The following MARCHF1 variants were observed in gnomAD, a reference collection of about 807,000 sequenced individuals.
MARCHF1 encodes membrane associated ring-CH-type finger 1.
Under a neutral mutation model 54.2 loss-of-function variants are expected in MARCHF1, and 40 were observed. The ratio of observed to expected loss-of-function variants is 0.74; its 90% CI spans 0.57 to 0.96. MARCHF1 has a LOEUF of 0.96. Ranked by LOEUF, MARCHF1 falls within the 40% of genes least tolerant of loss-of-function variation. The pLI, the probability that MARCHF1 is intolerant of heterozygous loss-of-function variation, is 0.00. For synonymous variants in MARCHF1, 236 were observed against 236.3 expected, an observed-to-expected ratio of 1.00 and a Z score of 0.01; for missense variants, 586 against 656.5, an observed-to-expected ratio of 0.89 and a Z score of 1.17.
intron 2 of MARCHF1, among the ~76,000 whole-genome samples, chr4:164,085,759 A>C (rs1026102775): frequency 6.6e-6 from 1 of 151,888 alleles, no homozygotes; most frequent in African/African-American, 2.4e-5. Context: ...GGTTTTTCAC[A>C]ATATGTGTGC....
At chr4:164,015,824 G>A (rs1373001951) in intron 2 of MARCHF1, among the ~76,000 whole-genome samples, 1 of 151,820 alleles carries the variant, frequency 6.6e-6, no homozygotes, top group African/African-American at 2.4e-5. Flanking sequence ...CGGAGAAAGA[G>A]GAGCCCTTTA....
At chr4:164,083,271 T>C (rs1415209374) in intron 2 of MARCHF1, among the ~76,000 whole-genome samples, 3 of 151,156 alleles carry the variant, frequency 2.0e-5, no homozygotes, top group Non-Finnish European at 4.4e-5. Flanking sequence ...ATAGACAACA[T>C]TTAAAAGTTA....
chr4:164,155,031 C>A (rs1048556988), intron 1 of MARCHF1, among the ~76,000 whole-genome samples: 1 of 152,130 alleles, frequency 6.6e-6, no homozygotes, highest in Non-Finnish European at 1.5e-5. Flanking sequence ...CCTAACATTC[C>A]TTTTCTTCTC....
intron 7 of MARCHF1, among the ~76,000 whole-genome samples, chr4:163,595,238 T>C (rs11100512): frequency 0.9 from 123,205 of 136,612 alleles, 55,529 homozygotes; most frequent in Middle Eastern, 0.94. Context: ...TATAAGCCAG[T>C]GAGTGGCTCA....
At chr4:164,154,443 C>G (rs1479698870) in intron 1 of MARCHF1, among the ~76,000 whole-genome samples, 1 of 152,176 alleles carries the variant, frequency 6.6e-6, no homozygotes, top group Non-Finnish European at 1.5e-5. Context: ...CTTCATGACC[C>G]AAACTCTGAG....
intron 7 of MARCHF1, among the ~76,000 whole-genome samples, chr4:163,601,992 C>A (rs1433507529): frequency 1.3e-5 from 2 of 151,074 alleles, no homozygotes; most frequent in Non-Finnish European, 3.0e-5. Flanking sequence ...AGCTCCCAAA[C>A]TGAAAACAAT....
intron 4 of MARCHF1, among the ~76,000 whole-genome samples, chr4:163,823,165 TA>T (rs1748746699): frequency 6.6e-6 from 1 of 151,814 alleles, no homozygotes; most frequent in Admixed American, 6.6e-5. Flanking sequence ...TAGATGTCCA[TA>T]AGTATTCTGA....
intron 3 of MARCHF1, among the ~76,000 whole-genome samples, chr4:163,962,504 A>T (rs1394074941): frequency 1.3e-5 from 2 of 151,918 alleles, no homozygotes; most frequent in African/African-American, 2.4e-5. Context: ...GGAATGATTT[A>T]AAAATATGCT....
intron 4 of MARCHF1, among the ~76,000 whole-genome samples, chr4:163,818,852 A>G (rs1748614545): frequency 6.6e-6 from 1 of 152,090 alleles, no homozygotes; most frequent in Non-Finnish European, 1.5e-5. Context: ...TAAAGTTCTC[A>G]TATGATCACT....
At chr4:163,624,561 A>G (rs1368243640) in intron 5 of MARCHF1, among the ~76,000 whole-genome samples, 1 of 152,224 alleles carries the variant, frequency 6.6e-6, no homozygotes, top group African/African-American at 2.4e-5. Flanking sequence ...GTGAGCACAT[A>G]AACTCAGACT....
intron 4 of MARCHF1, among the ~76,000 whole-genome samples, chr4:163,792,960 T>C (rs1561080186): frequency 1.3e-5 from 2 of 152,310 alleles, no homozygotes; most frequent in East Asian, 3.9e-4. Context: ...GTGCTGAAAT[T>C]TCTCTGTCTC....
rs551605255 is a variant in MARCHF1, at chr4:164,308,627, T to C, written c.-323+75243A>G. Among the ~76,000 whole-genome samples the C allele has an allele frequency of 2.2e-3, 331 of 152,202 alleles. 2 individuals are homozygous for C. Among genetic ancestry groups the C allele is most frequent in the African/African-American group, 7.7e-3 (321 of 41,566 alleles). On this transcript the variant is annotated intron_variant, in intron 1 of 9. Transcript: ENST00000514618. ...AAATATCAAAATTAAAAATAATTTA[T>C]AGAATTAAAAACTTTTAAAAATTAG...
intron 2 of MARCHF1, among the ~76,000 whole-genome samples, chr4:164,032,328 TC>T (rs1487700900): frequency 6.6e-6 from 1 of 152,190 alleles, no homozygotes; most frequent in Non-Finnish European, 1.5e-5. Flanking sequence ...CATGTTACTA[TC>T]TCCTTCGGTT....
At chr4:164,343,284 C>G (rs1197702620) in intron 1 of MARCHF1, among the ~76,000 whole-genome samples, 1 of 152,022 alleles carries the variant, frequency 6.6e-6, no homozygotes, top group Admixed American at 6.6e-5. Flanking sequence ...GTCAATCATA[C>G]CTCCACAAAG....
intron 4 of MARCHF1, among the ~76,000 whole-genome samples, chr4:163,744,559 T>C (rs1417578924): frequency 6.6e-6 from 1 of 152,222 alleles, no homozygotes; most frequent in African/African-American, 2.4e-5. Context: ...TGGTAAATAG[T>C]GTGTAAGTGT....
intron 4 of MARCHF1, among the ~76,000 whole-genome samples, chr4:163,743,655 T>C (rs949513916): frequency 3.3e-5 from 5 of 149,616 alleles, no homozygotes; most frequent in African/African-American, 4.9e-5. Flanking sequence ...CTGGGCTCAC[T>C]GCAAGCTCCG....
At chr4:163,539,369 T>C (rs1738650976) in intron 9 of MARCHF1, among the ~76,000 whole-genome samples, 1 of 152,156 alleles carries the variant, frequency 6.6e-6, no homozygotes, top group South Asian at 2.1e-4. Context: ...TACTTAAAAT[T>C]GGAGGTAATA....
At chr4:163,653,748 G>A (rs1743049904) in intron 5 of MARCHF1, among the ~76,000 whole-genome samples, 1 of 151,754 alleles carries the variant, frequency 6.6e-6, no homozygotes, top group Non-Finnish European at 1.5e-5. Context: ...AGCTAAATGA[G>A]GATTTTCTTT....
chr4:163,763,724 C>T (rs535239611), intron 4 of MARCHF1, among the ~76,000 whole-genome samples: 2 of 152,150 alleles, frequency 1.3e-5, no homozygotes, highest in South Asian at 2.1e-4. Flanking sequence ...GCAATGAAGG[C>T]TGTGGTAGTA....
Sources: gnomAD v4.1 joint callset for allele counts (sites outside exome capture counted in the v4.1 genomes callset) on GRCh38, gnomAD v4.1.1 for gene constraint, MANE v1.5 for transcripts, NCBI Gene and HGNC (gene_info 2026-07-23, HGNC 2026-07-21) for gene names.